Variants in FSTL4 observed in about 807,000 individuals in gnomAD.
FSTL4 encodes the protein follistatin like 4, also known as follistatin-related protein 4.
In FSTL4, 28 loss-of-function variants were observed where a neutral mutation model predicts 78.2. The ratio of observed to expected loss-of-function variants is 0.36; its 90% CI spans 0.27 to 0.49. The LOEUF is 0.49. Ranked by LOEUF, FSTL4 falls within the 20% of genes least tolerant of loss-of-function variation. The probability of loss-of-function intolerance (pLI) is 0.98; values close to 1 mark genes in which losing one functional copy is unlikely to be tolerated. For synonymous variants in FSTL4, 422 were observed against 440.5 expected, an observed-to-expected ratio of 0.96 and a Z score of 0.53; for missense variants, 922 against 1,084.9, an observed-to-expected ratio of 0.85 and a Z score of 2.11.
At chr5:133,513,150 C>T (rs1304613067) in intron 3 of FSTL4, among the ~76,000 whole-genome samples, 2 of 152,188 alleles carry the variant, frequency 1.3e-5, no homozygotes, top group African/African-American at 4.8e-5. Context: ...TCTCACAGAC[C>T]TCCTCCAGAG....
At chr5:133,815,179 C>G in the FSTL4 span, among the ~76,000 whole-genome samples, 2 of 152,338 alleles carry the variant, frequency 1.3e-5, no homozygotes, top group East Asian at 3.9e-4. Flanking sequence ...TCAGGCTGCT[C>G]TTGGAGTCAT....
chr5:133,265,361 A>G (rs1048142142), intron 6 of FSTL4, among the ~76,000 whole-genome samples: 7 of 152,086 alleles, frequency 4.6e-5, no homozygotes, highest in Admixed American at 2.0e-4. Context: ...AACTATGCAA[A>G]TATGCCCAGA....
At chr5:133,745,698 T>G in the FSTL4 span, among the ~76,000 whole-genome samples, 2 of 152,206 alleles carry the variant, frequency 1.3e-5, no homozygotes, top group Non-Finnish European at 2.9e-5. Flanking sequence ...CCTGGTAGAT[T>G]CATCCACAAA....
the FSTL4 span, among the ~76,000 whole-genome samples, chr5:133,648,248 C>T: frequency 6.6e-6 from 1 of 152,152 alleles, no homozygotes; most frequent in African/African-American, 2.4e-5. Flanking sequence ...ATAGAAAATA[C>T]AAATTAAAAA....
chr5:133,385,444 A>G (rs1174226559), intron 4 of FSTL4, among the ~76,000 whole-genome samples: 1 of 152,180 alleles, frequency 6.6e-6, no homozygotes, highest in Admixed American at 6.5e-5. Context: ...GAGAAGCTCT[A>G]TCCCTGATCA....
At chr5:133,562,890 A>G (rs1759949465) in intron 3 of FSTL4, among the ~76,000 whole-genome samples, 1 of 152,188 alleles carries the variant, frequency 6.6e-6, no homozygotes, top group Admixed American at 6.5e-5. Flanking sequence ...TACCGGTTTG[A>G]GTAGATGAAT....
chr5:133,363,794 G>T (rs1755120296), intron 4 of FSTL4, among the ~76,000 whole-genome samples: 1 of 152,042 alleles, frequency 6.6e-6, no homozygotes, highest in South Asian at 2.1e-4. Flanking sequence ...CATCCCAAGG[G>T]TTGTCTAAAA....
the FSTL4 span, among the ~76,000 whole-genome samples, chr5:133,766,043 AGG>A: frequency 6.6e-6 from 1 of 152,230 alleles, no homozygotes; most frequent in Non-Finnish European, 1.5e-5. Flanking sequence ...CACACTGAGG[AGG>A]GGACCCATAA....
the FSTL4 span, among the ~76,000 whole-genome samples, chr5:133,747,415 C>T: frequency 6.6e-6 from 1 of 152,120 alleles, no homozygotes; most frequent in Non-Finnish European, 1.5e-5. Context: ...TATTGAAATG[C>T]TAATCAATCC....
Position 133,611,157 on chromosome 5 carries a change from G to C in FSTL4, c.-11+1168C>G, listed in dbSNP as rs1050781477. ...ATCAGTGTCGGCGGCCCGCGGCCGC[G>C]AGCGAGGGCTGCTGGACAGCGCCCC... On this transcript the variant is annotated intron_variant, in intron 1 of 15. Coordinates refer to ENST00000265342, the MANE Select transcript of FSTL4 (RefSeq NM_015082.2). The surrounding 1 kb of genome is among the most constrained non-coding windows in gnomAD (Gnocchi z 4.9). Among the ~76,000 whole-genome samples the C allele has an allele frequency of 6.6e-6, 1 of 151,922 alleles. No homozygotes were observed. Among genetic ancestry groups the C allele is most frequent in the African/African-American group, 2.4e-5 (1 of 41,386 alleles).
At position 133,252,686 on chromosome 5, in the gene FSTL4, C is replaced by A. The variant is rs1169174916; in HGVS notation, c.728-3110G>T. Among the ~76,000 whole-genome samples the A allele has an allele frequency of 5.3e-5, 8 of 152,086 alleles. No homozygotes were observed. The East Asian group carries it at 1.5e-3, about 29-fold the overall frequency. Reference sequence around the variant, plus strand: ...TAGATACAAGGCTAGGAGCATGGCCCCTCATTTGGAACATAGGACTGATGT... The same window carrying A: ...TAGATACAAGGCTAGGAGCATGGCCACTCATTTGGAACATAGGACTGATGT... On this transcript the variant is annotated intron_variant, in intron 6 of 15. Transcript: ENST00000265342.
the FSTL4 span, among the ~76,000 whole-genome samples, chr5:133,807,859 C>T: frequency 8.5e-5 from 13 of 152,182 alleles, no homozygotes; most frequent in African/African-American, 1.7e-4. Flanking sequence ...CTTCTCCTCA[C>T]GCTTACGATG....
chr5:133,555,381 A>C (rs1188328134), intron 3 of FSTL4, among the ~76,000 whole-genome samples: 2 of 152,218 alleles, frequency 1.3e-5, no homozygotes, highest in East Asian at 3.8e-4. Context: ...ACTGGACGCT[A>C]TAATCTCCAA....
At chr5:133,429,298 T>A (rs1756888633) in intron 3 of FSTL4, among the ~76,000 whole-genome samples, 1 of 152,160 alleles carries the variant, frequency 6.6e-6, no homozygotes, top group South Asian at 2.1e-4. Flanking sequence ...GCTGAGCTCT[T>A]ACCACATGCC....
chr5:133,628,460 A>G, the FSTL4 span, among the ~76,000 whole-genome samples: 1 of 151,800 alleles, frequency 6.6e-6, no homozygotes, highest in Non-Finnish European at 1.5e-5. Context: ...CCTAGGTTCA[A>G]GTGATTCTCC....
At chr5:133,320,898 T>C (rs1432913862) in intron 4 of FSTL4, among the ~76,000 whole-genome samples, 3 of 148,496 alleles carry the variant, frequency 2.0e-5, no homozygotes, top group Non-Finnish European at 4.4e-5. Flanking sequence ...TCCCAGCTAC[T>C]CGGGAGGCTG....
the FSTL4 span, among the ~76,000 whole-genome samples, chr5:133,633,063 T>C: frequency 6.9e-6 from 1 of 145,560 alleles, no homozygotes; most frequent in Admixed American, 7.4e-5. Context: ...ATTTCTCTCT[T>C]GTTGCTTTCA....
chr5:133,633,337 T>C, the FSTL4 span, among the ~76,000 whole-genome samples: 1 of 152,178 alleles, frequency 6.6e-6, no homozygotes, highest in African/African-American at 2.4e-5. Flanking sequence ...TATTTTCAGA[T>C]TGGGCAATAT....
intron 3 of FSTL4, among the ~76,000 whole-genome samples, chr5:133,540,106 G>A (rs980520090): frequency 3.3e-5 from 5 of 152,122 alleles, no homozygotes; most frequent in African/African-American, 1.2e-4. Context: ...TCTGCTAGCA[G>A]ACATGGCCTT....
Sources: allele counts gnomAD v4.1 joint callset (sites outside exome capture counted in the v4.1 genomes callset), GRCh38; gene constraint gnomAD v4.1.1; non-coding constraint Gnocchi (gnomAD v3.1); transcripts MANE v1.5; gene names NCBI Gene and HGNC (gene_info 2026-07-23, HGNC 2026-07-21).